The following RBMS3 variants were observed in gnomAD, a reference collection of about 807,000 sequenced individuals.
RBMS3 encodes the protein RNA-binding motif, single-stranded-interacting protein 3.
In RBMS3, 27 loss-of-function variants were observed where a neutral mutation model predicts 66.8. The ratio of observed to expected loss-of-function variants is 0.40; its 90% CI spans 0.30 to 0.56. The LOEUF (loss-of-function observed/expected upper bound fraction) is 0.56. RBMS3 is among the 20% of genes least tolerant of loss of function. The probability of loss-of-function intolerance (pLI) is 0.40; values close to 1 mark genes in which losing one functional copy is unlikely to be tolerated. For missense variants in RBMS3, 513 were observed against 549.5 expected (o/e 0.93, Z 0.66); for synonymous variants, 188 against 183.0 (o/e 1.03, Z -0.22).
At chr3:29,997,955 A>G (rs970696382) in intron 14 of RBMS3, among the ~76,000 whole-genome samples, 2 of 152,180 alleles carry the variant, frequency 1.3e-5, no homozygotes, top group Non-Finnish European at 2.9e-5. Flanking sequence ...AGGGTATTCA[A>G]TTAGGAAAAG....
intron 10 of RBMS3, among the ~76,000 whole-genome samples, chr3:29,908,416 C>G (rs2060436403): frequency 6.6e-6 from 1 of 152,056 alleles, no homozygotes; most frequent in Non-Finnish European, 1.5e-5. Context: ...TGCTCCATGA[C>G]TAGTTGTTGA....
intron 1 of RBMS3, among the ~76,000 whole-genome samples, chr3:29,294,452 A>G (rs572446591): frequency 1.3e-5 from 2 of 151,182 alleles, no homozygotes; most frequent in Admixed American, 6.6e-5. Context: ...AAAAGAAAAA[A>G]AAAACATAGT....
chr3:29,546,353 C>T (rs1052419041), intron 3 of RBMS3, among the ~76,000 whole-genome samples: 32 of 152,146 alleles, frequency 2.1e-4, no homozygotes, highest in Admixed American at 7.2e-4. Context: ...AGGATTCAAG[C>T]GCCTGTAGGT....
intron 5 of RBMS3, among the ~76,000 whole-genome samples, chr3:29,746,549 C>G (rs1400218599): frequency 1.3e-5 from 2 of 152,106 alleles, no homozygotes; most frequent in African/African-American, 4.8e-5. Context: ...CTCCTGGACC[C>G]CCTGCAGCTT....
intron 3 of RBMS3, among the ~76,000 whole-genome samples, chr3:29,540,923 C>T (rs1007594769): frequency 2.6e-5 from 4 of 152,054 alleles, no homozygotes; most frequent in African/African-American, 7.2e-5. Flanking sequence ...TGAGTTTTTT[C>T]GGGAAGTGTT....
intron 3 of RBMS3, among the ~76,000 whole-genome samples, chr3:29,540,705 A>G (rs1405939535): frequency 6.6e-6 from 1 of 152,138 alleles, no homozygotes; most frequent in African/African-American, 2.4e-5. Flanking sequence ...TAGATGTGTG[A>G]GCTAAGATTG....
intron 6 of RBMS3, chr3:29,766,380 A>C (rs2055929183): frequency 6.6e-6 from 1 of 152,024 alleles, no homozygotes; most frequent in Non-Finnish European, 1.5e-5. Context: ...CTGAATTTCA[A>C]ATTCTAAAAA....
At chr3:29,525,264 G>A (rs1481231325) in intron 3 of RBMS3, among the ~76,000 whole-genome samples, 2 of 151,570 alleles carry the variant, frequency 1.3e-5, no homozygotes, top group Non-Finnish European at 2.9e-5. Context: ...TAGGGACTAT[G>A]CCTTTAAAAA....
At chr3:29,911,978 A>AATAGATAGATAGATAGATAGATAG (rs112979723) in intron 10 of RBMS3, among the ~76,000 whole-genome samples, 4 of 149,802 alleles carry the variant, frequency 2.7e-5, no homozygotes, top group African/African-American at 7.6e-5. Flanking sequence ...ACACATACAT[A>AATAGATAGATAGATAGATAGATAG]ATAGCTAGAT....
intron 6 of RBMS3, among the ~76,000 whole-genome samples, chr3:29,825,358 G>T (rs921224015): frequency 1.3e-5 from 2 of 151,906 alleles, no homozygotes; most frequent in African/African-American, 4.8e-5. Flanking sequence ...TTTATGTGTT[G>T]TACATGAGAG....
At chr3:29,665,926 A>G (rs2050734129) in intron 4 of RBMS3, among the ~76,000 whole-genome samples, 1 of 152,098 alleles carries the variant, frequency 6.6e-6, no homozygotes, top group African/African-American at 2.4e-5. Context: ...CCTTACAATG[A>G]CTCCTCATCT....
At chr3:29,471,166 G>A (rs950893930) in intron 2 of RBMS3, among the ~76,000 whole-genome samples, 3 of 152,156 alleles carry the variant, frequency 2.0e-5, no homozygotes, top group Admixed American at 1.3e-4. Context: ...TAGCATATCT[G>A]TGTGTGAAGG....
At chr3:29,966,489 C>A (rs570742617) in intron 12 of RBMS3, among the ~76,000 whole-genome samples, 1 of 152,160 alleles carries the variant, frequency 6.6e-6, no homozygotes, top group South Asian at 2.1e-4. Context: ...CGATTTGATT[C>A]TCCACTTGGT....
At chr3:29,626,092 A>T (rs1301353498) in intron 4 of RBMS3, among the ~76,000 whole-genome samples, 2 of 152,202 alleles carry the variant, frequency 1.3e-5, no homozygotes, top group Non-Finnish European at 2.9e-5. Context: ...TTTGATTATA[A>T]AGAAGGAAGA....
At chr3:29,671,626 C>T (rs1361470328) in intron 4 of RBMS3, among the ~76,000 whole-genome samples, 2 of 152,290 alleles carry the variant, frequency 1.3e-5, no homozygotes, top group South Asian at 2.1e-4. Flanking sequence ...ACAAGAACTA[C>T]GTGACACATG....
intron 6 of RBMS3, among the ~76,000 whole-genome samples, chr3:29,847,310 C>T (rs1378064937): frequency 6.6e-6 from 1 of 152,224 alleles, no homozygotes; most frequent in Non-Finnish European, 1.5e-5. Flanking sequence ...CATATAACTT[C>T]TGCAAGGAGA....
intron 7 of RBMS3, among the ~76,000 whole-genome samples, chr3:29,870,132 A>G (rs899270109): frequency 1.3e-5 from 2 of 152,188 alleles, no homozygotes; most frequent in Admixed American, 6.5e-5. Flanking sequence ...TAAAAAAGAT[A>G]AAGAGTTTTA....
At chr3:29,291,984 T>C (rs2032853400) in intron 1 of RBMS3, among the ~76,000 whole-genome samples, 1 of 151,756 alleles carries the variant, frequency 6.6e-6, no homozygotes, top group Non-Finnish European at 1.5e-5. Flanking sequence ...TCCAATCTTA[T>C]TCAGGAAATA....
intron 4 of RBMS3, among the ~76,000 whole-genome samples, chr3:29,626,255 C>G (rs1448182892): frequency 1.3e-5 from 2 of 151,980 alleles, no homozygotes; most frequent in Non-Finnish European, 2.9e-5. Context: ...AATGGGGAGA[C>G]CAATATTTGG....
Sources: allele counts gnomAD v4.1 joint callset (sites outside exome capture counted in the v4.1 genomes callset), GRCh38; gene constraint gnomAD v4.1.1; transcripts MANE v1.5; gene names NCBI Gene and HGNC (gene_info 2026-07-23, HGNC 2026-07-21).